The following GPC6 variants were observed in gnomAD, a reference collection of about 807,000 sequenced individuals.
GPC6 encodes the protein glypican-6.
A neutral mutation model predicts 55.2 loss-of-function variants in GPC6; 14 were observed. That is an observed-to-expected ratio of 0.25 (90% CI 0.17 to 0.40). The LOEUF (loss-of-function observed/expected upper bound fraction) is 0.40. Among genes scored for constraint, GPC6 ranks in the 10% least tolerant of loss-of-function variants. The pLI, the probability that GPC6 is intolerant of heterozygous loss-of-function variation, is 1.00. For synonymous variants in GPC6, 278 were observed against 259.6 expected (o/e 1.07, Z -0.68); for missense variants, 641 against 708.5 (o/e 0.90, Z 1.08).
chr13:94,278,139 C>T (rs185601630), intron 4 of GPC6, among the ~76,000 whole-genome samples: 19 of 152,106 alleles, frequency 1.2e-4, no homozygotes, highest in African/African-American at 3.9e-4. Flanking sequence ...TTCTCCTTGA[C>T]GCGGTCCTTC....
chr13:94,006,649 C>T (rs1882031704), intron 3 of GPC6, among the ~76,000 whole-genome samples: 1 of 152,172 alleles, frequency 6.6e-6, no homozygotes. Context: ...TTTCCCTCCC[C>T]TGGTGCTGAC....
intron 4 of GPC6, among the ~76,000 whole-genome samples, chr13:94,264,165 C>G (rs927562927): frequency 2.0e-5 from 3 of 152,254 alleles, no homozygotes; most frequent in Non-Finnish European, 4.4e-5. Flanking sequence ...CTCTCTACCC[C>G]CTTGTTGATA....
At chr13:94,087,855 G>C (rs951503935) in intron 4 of GPC6, among the ~76,000 whole-genome samples, 3 of 152,172 alleles carry the variant, frequency 2.0e-5, no homozygotes, top group Admixed American at 6.5e-5. Flanking sequence ...GTGAACCTGA[G>C]AGCCTGATAA....
intron 4 of GPC6, among the ~76,000 whole-genome samples, chr13:94,089,789 G>A (rs1402167688): frequency 4.6e-5 from 7 of 152,066 alleles, no homozygotes; most frequent in Admixed American, 3.9e-4. Context: ...CTACGCCGGT[G>A]CATGTCCCTG....
chr13:93,925,683 C>T (rs1877822050), intron 3 of GPC6, among the ~76,000 whole-genome samples: 1 of 152,176 alleles, frequency 6.6e-6, no homozygotes, highest in African/African-American at 2.4e-5. Flanking sequence ...GCTCGTGGTT[C>T]TCTGTGCCTG....
chr13:93,567,047 T>C (rs1375525717), intron 2 of GPC6, among the ~76,000 whole-genome samples: 3 of 152,148 alleles, frequency 2.0e-5, no homozygotes, highest in South Asian at 2.1e-4. Flanking sequence ...GTCTTTATAG[T>C]AGAATGATTT....
intron 1 of GPC6, among the ~76,000 whole-genome samples, chr13:93,296,327 C>T (rs1878494837): frequency 6.6e-6 from 1 of 152,162 alleles, no homozygotes; most frequent in South Asian, 2.1e-4. Flanking sequence ...TTTAGGTTTT[C>T]ATCTTCATTT....
At chr13:94,386,258 G>A (rs1880401409) in intron 7 of GPC6, among the ~76,000 whole-genome samples, 1 of 152,116 alleles carries the variant, frequency 6.6e-6, no homozygotes, top group Admixed American at 6.6e-5. Context: ...TACTCGGGAG[G>A]CTGAGGCAGG....
intron 3 of GPC6, among the ~76,000 whole-genome samples, chr13:93,905,754 G>C (rs1876631741): frequency 6.6e-6 from 1 of 152,198 alleles, no homozygotes; most frequent in South Asian, 2.1e-4. Context: ...ATTACCTAAT[G>C]AATGAATCCT....
At chr13:93,556,434 T>A (rs984008216) in intron 2 of GPC6, among the ~76,000 whole-genome samples, 1 of 117,048 alleles carries the variant, frequency 8.5e-6, no homozygotes, top group Admixed American at 9.0e-5. Flanking sequence ...ATATATATAT[T>A]TTGGGGGTAC....
In GPC6 at chr13:93,970,887, G is replaced by A. The variant is rs192085858; in HGVS notation, c.712-56842G>A. ...AATGCCCTCATTATATATTCAACATGCTTTAAAAAAGACAAGATACAATGT... is the reference window on the plus strand; with the variant it reads ...AATGCCCTCATTATATATTCAACATACTTTAAAAAAGACAAGATACAATGT... On this transcript the variant is annotated intron_variant, in intron 3 of 8. Coordinates refer to ENST00000377047, the MANE Select transcript of GPC6 (RefSeq NM_005708.5). Among the ~76,000 whole-genome samples, 21 of 152,232 alleles carry A rather than the reference G, an allele frequency of 1.4e-4. No individual in the cohort carries two copies. In the East Asian group the frequency reaches 3.9e-3, roughly 28 times the overall value.
intron 3 of GPC6, among the ~76,000 whole-genome samples, chr13:93,870,587 A>G (rs1330751704): frequency 1.3e-5 from 2 of 151,856 alleles, no homozygotes; most frequent in Admixed American, 1.3e-4. Context: ...TAACTCTAGT[A>G]TCTCAGGATG....
intron 1 of GPC6, among the ~76,000 whole-genome samples, chr13:93,276,793 G>T (rs977503251): frequency 2.6e-5 from 4 of 152,128 alleles, no homozygotes; most frequent in Non-Finnish European, 5.9e-5. Flanking sequence ...CCTGGGCAGG[G>T]ATTCTGTAAA....
At chr13:93,719,694 C>T (rs943630938) in intron 2 of GPC6, among the ~76,000 whole-genome samples, 3 of 152,038 alleles carry the variant, frequency 2.0e-5, no homozygotes, top group Non-Finnish European at 4.4e-5. Flanking sequence ...AGCTTTTCCC[C>T]ATTCAGTATG....
intron 3 of GPC6, among the ~76,000 whole-genome samples, chr13:93,944,922 G>C (rs571803712): frequency 1.3e-5 from 2 of 152,220 alleles, no homozygotes; most frequent in Non-Finnish European, 2.9e-5. Context: ...GGGGTGGGGA[G>C]GGGATTTTCC....
intron 1 of GPC6, among the ~76,000 whole-genome samples, chr13:93,451,508 A>C (rs1220039784): frequency 6.6e-6 from 1 of 152,208 alleles, no homozygotes; most frequent in Admixed American, 6.5e-5. Context: ...AAATTATATA[A>C]TATTTAAATT....
chr13:94,362,557 G>T (rs537112513), intron 6 of GPC6, among the ~76,000 whole-genome samples: 2 of 152,112 alleles, frequency 1.3e-5, no homozygotes, highest in South Asian at 4.2e-4. Context: ...GGTGAAAGGT[G>T]GACAAAGACT....
chr13:94,236,010 C>T (rs529573981), intron 4 of GPC6, among the ~76,000 whole-genome samples: 8 of 152,256 alleles, frequency 5.3e-5, no homozygotes, highest in Non-Finnish European at 8.8e-5. Context: ...AAAGTGTTTA[C>T]GTTAGCTCAA....
chr13:93,353,942 A>G (rs1271505308), intron 1 of GPC6, among the ~76,000 whole-genome samples: 1 of 152,228 alleles, frequency 6.6e-6, no homozygotes, highest in Non-Finnish European at 1.5e-5. Flanking sequence ...TTAGTCACAA[A>G]GGTGTGTTTT....
Sources: allele counts gnomAD v4.1 joint callset (sites outside exome capture counted in the v4.1 genomes callset), GRCh38; gene constraint gnomAD v4.1.1; transcripts MANE v1.5; gene names NCBI Gene and HGNC (gene_info 2026-07-23, HGNC 2026-07-21).